The following CRY1 variants were observed in gnomAD, a reference collection of about 807,000 sequenced individuals.
CRY1 encodes cryptochrome-1.
A neutral mutation model predicts 76.0 loss-of-function variants in CRY1; 45 were observed. That is an observed-to-expected ratio of 0.59 (90% CI 0.47 to 0.76). CRY1 has a LOEUF of 0.76. CRY1 is among the 30% of genes least tolerant of loss of function. The pLI, the probability that CRY1 is intolerant of heterozygous loss-of-function variation, is 0.00. For synonymous variants in CRY1, 248 were observed against 244.0 expected (o/e 1.02, Z -0.15); for missense variants, 587 against 716.4 (o/e 0.82, Z 2.06).
Position 106,999,989 on chromosome 12 carries a change from AAC to A in CRY1, c.776_777del (p.Cys259PhefsTer35), listed in dbSNP as rs1566241392. ...TGLSPYLRFG[C>X]LSCRLFYFKL... Reference sequence around the variant, plus strand: ...TTGAAGTAAAACAGTCGACATGACAAACAACCAAATCGGAGATAAGGACTAAG... The same window carrying A: ...TTGAAGTAAAACAGTCGACATGACAAAACCAAATCGGAGATAAGGACTAAG... On this transcript the variant is annotated frameshift_variant, in exon 6 of 13. Coordinates refer to ENST00000008527, the MANE Select transcript of CRY1 (RefSeq NM_004075.5). LOFTEE classifies it high-confidence loss of function. 3 of 1,613,164 alleles carry A rather than the reference AAC, an allele frequency of 1.9e-6. No homozygotes were observed. Among genetic ancestry groups the A allele is most frequent in the Admixed American group, 3.3e-5 (2 of 59,840 alleles).
At chr12:107,022,341 C>A in intron 1 of CRY1, 149 bp from the exon 2 acceptor site, 1 of 375,134 alleles carries the variant, frequency 2.7e-6, no homozygotes, top group Admixed American at 4.3e-5. Flanking sequence ...AAAAACCATA[C>A]TAATATATAT....
At chr12:107,026,776 T>G (rs980210571) in intron 1 of CRY1, among the ~76,000 whole-genome samples, 3 of 151,348 alleles carry the variant, frequency 2.0e-5, no homozygotes, top group Non-Finnish European at 2.9e-5. Flanking sequence ...CCTGTTTTTT[T>G]TTTTTTTTTT....
At chr12:107,042,977 T>C (rs1292066600) in intron 1 of CRY1, 1 of 152,198 alleles carries the variant, frequency 6.6e-6, no homozygotes, top group Non-Finnish European at 1.5e-5. Context: ...GTGCTCACCG[T>C]AGAGAAAAAG....
At chr12:106,999,043 C>CAAAA (rs778236677) in intron 7 of CRY1, among the ~76,000 whole-genome samples, 3 of 52,656 alleles carry the variant, frequency 5.7e-5, no homozygotes, top group African/African-American at 1.2e-4. Context: ...GACTCCGTCT[C>CAAAA]AAAAAAAAAA....
chr12:107,090,269 T>G (rs1251370026), intron 1 of CRY1, among the ~76,000 whole-genome samples: 1 of 152,102 alleles, frequency 6.6e-6, no homozygotes, highest in Non-Finnish European at 1.5e-5. Flanking sequence ...TTTTTGTGTT[T>G]TTTACTAGAG....
intron 1 of CRY1, among the ~76,000 whole-genome samples, chr12:107,047,061 T>C (rs890837831): frequency 1.3e-5 from 2 of 152,208 alleles, no homozygotes; most frequent in African/African-American, 4.8e-5. Flanking sequence ...CGTTCCACAG[T>C]TGTAGAATAC....
chr12:107,040,401 C>T (rs370490610), intron 1 of CRY1, among the ~76,000 whole-genome samples: 12 of 151,160 alleles, frequency 7.9e-5, no homozygotes, highest in African/African-American at 2.9e-4. Flanking sequence ...TTTTTCTGCC[C>T]CAGCCTCCCG....
Position 106,993,683 on chromosome 12 carries a change from A to G in CRY1, c.1586-647T>C, listed in dbSNP as rs571129642. Among the ~76,000 whole-genome samples, 59 of 152,182 alleles carry G rather than the reference A, an allele frequency of 3.9e-4. 1 individual carries two copies. The South Asian group carries it at 0.012, about 30-fold the overall frequency. On this transcript the variant is annotated intron_variant, in intron 10 of 12. Coordinates refer to ENST00000008527, the MANE Select transcript of CRY1 (RefSeq NM_004075.5). ...GATAGGTCAACACCTTATGGCCTGAACAAGACTGTGCACTTACTTTCGTTT... is the reference window on the plus strand; with the variant it reads ...GATAGGTCAACACCTTATGGCCTGAGCAAGACTGTGCACTTACTTTCGTTT...
At chr12:107,020,521 ATC>A (rs1952543745) in intron 2 of CRY1, among the ~76,000 whole-genome samples, 1 of 92,150 alleles carries the variant, frequency 1.1e-5, no homozygotes, top group African/African-American at 5.3e-5. Context: ...TGCTTGCAAG[ATC>A]TGTTTTTTTT....
intron 2 of CRY1, among the ~76,000 whole-genome samples, chr12:107,018,502 G>T (rs1322687642): frequency 1.5e-4 from 23 of 152,102 alleles, no homozygotes; most frequent in Admixed American, 1.5e-3. Flanking sequence ...CACAAGAATG[G>T]CTTGAGCCTG....
At chr12:107,053,477 C>T (rs575095781) in intron 1 of CRY1, among the ~76,000 whole-genome samples, 29 of 152,174 alleles carry the variant, frequency 1.9e-4, no homozygotes, top group African/African-American at 4.8e-4. Context: ...CCACCACACC[C>T]GACAAATTTT....
At chr12:107,017,604 G>A (rs551295893) in intron 2 of CRY1, among the ~76,000 whole-genome samples, 1 of 152,188 alleles carries the variant, frequency 6.6e-6, no homozygotes, top group Non-Finnish European at 1.5e-5. Flanking sequence ...TTACATGATA[G>A]AAGGAGCATC....
In CRY1 at chr12:106,997,395, C is replaced by CA. The variant is rs745603259; in HGVS notation, c.1493-10dup. 1 of 1,612,150 alleles carries CA rather than the reference C, an allele frequency of 6.2e-7. No homozygotes were observed. The highest frequency in any genetic ancestry group is 1.1e-5 in the South Asian group (1 of 90,740). ...TACTGATGCCAGAAGACCTAAAGGA[C>CA]AAAAAAATTTTCTTTTAAATTATGA... On this transcript the variant is annotated splice_polypyrimidine_tract_variant and intron_variant, in intron 9 of 12. Coordinates refer to ENST00000008527, the MANE Select transcript of CRY1 (RefSeq NM_004075.5).
chr12:107,060,374 T>C (rs10746083), intron 1 of CRY1, among the ~76,000 whole-genome samples: 76,285 of 151,864 alleles, frequency 0.5, 20,069 homozygotes, highest in East Asian at 0.72. Context: ...CTCTCTCTCT[T>C]GTCCTCTCTT....
At chr12:107,009,895 C>G (rs1358450278) in intron 2 of CRY1, among the ~76,000 whole-genome samples, 1 of 151,662 alleles carries the variant, frequency 6.6e-6, no homozygotes, top group Non-Finnish European at 1.5e-5. Context: ...TTATGCTGTC[C>G]TCATAAAATG....
intron 1 of CRY1, among the ~76,000 whole-genome samples, chr12:107,032,811 T>C (rs1337683071): frequency 1.3e-5 from 2 of 152,162 alleles, no homozygotes; most frequent in Non-Finnish European, 2.9e-5. Context: ...CAATTTTAAA[T>C]TGGTATCATT....
rs149060809 is a variant in CRY1, at chr12:107,065,755, C to T, written c.158+27049G>A. Reference sequence around the variant, plus strand: ...TACCATGAAAGATAAGGAAATTGGACGTTGCCCAAAATGAGACACTTATTC... The same window carrying T: ...TACCATGAAAGATAAGGAAATTGGATGTTGCCCAAAATGAGACACTTATTC... On this transcript the variant is annotated intron_variant, in intron 1 of 12. Transcript: ENST00000008527. Among the ~76,000 whole-genome samples the T allele has an allele frequency of 8.6e-4, 131 of 152,268 alleles. 1 individual carries two copies. The highest frequency in any genetic ancestry group is 2.9e-3 in the African/African-American group (119 of 41,546).
At position 107,026,149 on chromosome 12, in the gene CRY1, T is replaced by TAAC. The variant is rs1555199045; in HGVS notation, c.159-3958_159-3957insGTT. ...TATATAATTACATATATATTACATA[T>TAAC]ATATATAAAATATATATATATATAT... is the stretch of plus-strand genomic sequence containing the variant. On this transcript the variant is annotated intron_variant, in intron 1 of 12. Transcript: ENST00000008527. Among the ~76,000 whole-genome samples the TAAC allele has an allele frequency of 4.3e-3, 313 of 73,644 alleles. 9 individuals carry two copies. The highest frequency in any genetic ancestry group is 0.016 in the African/African-American group (295 of 17,898). The allele number at this position is 73,644 out of a possible 152,430, so 48.3% of individuals were successfully genotyped here. A position where few individuals can be genotyped will look rare whatever the true frequency, so the allele number is the denominator to read the frequency against.
intron 1 of CRY1, among the ~76,000 whole-genome samples, chr12:107,039,865 G>GT (rs1214053066): frequency 6.6e-6 from 1 of 152,140 alleles, no homozygotes; most frequent in African/African-American, 2.4e-5. Context: ...GCACTCCCAA[G>GT]TTCACTGCAG....
Sources: gnomAD v4.1 joint callset for allele counts (sites outside exome capture counted in the v4.1 genomes callset) on GRCh38, gnomAD v4.1.1 for gene constraint, MANE v1.5 for transcripts, NCBI Gene and HGNC (gene_info 2026-07-23, HGNC 2026-07-21) for gene names.